The following PAX7 variants were observed in gnomAD, a reference collection of about 807,000 sequenced individuals.
PAX7 encodes the protein paired box protein Pax-7.
In PAX7, 18 loss-of-function variants were observed where a neutral mutation model predicts 50.7. The observed-to-expected ratio is 0.36, with a 90% CI of 0.25 to 0.53. The LOEUF (loss-of-function observed/expected upper bound fraction) is 0.53, where lower values mean the gene tolerates loss of function less well. Ranked by LOEUF, PAX7 falls within the 20% of genes least tolerant of loss-of-function variation. PAX7 has a pLI of 0.93. For synonymous variants in PAX7, 310 were observed against 290.4 expected (o/e 1.07, Z -0.69); for missense variants, 644 against 702.9 (o/e 0.92, Z 0.95).
rs754895481 is a variant in PAX7, at chr1:18,631,682, T to C, written c.79T>C (p.Leu27=). The C allele has an allele frequency of 1.9e-6, 3 of 1,612,122 alleles. No homozygotes were observed. Among genetic ancestry groups the C allele is most frequent in the South Asian group, 1.1e-5 (1 of 90,486 alleles). The change falls in exon 1 of 9, where the codon TTG becomes CTG. Residue 27 remains leucine, a synonymous_variant. Coordinates refer to ENST00000420770, the MANE Select transcript of PAX7 (RefSeq NM_001135254.2). ...GAACTACCCCCGCACGGGATTCCCTTTGGAAGGTAAGAACGCCCAGGCTGG... is the reference window on the plus strand; with the variant it reads ...GAACTACCCCCGCACGGGATTCCCTCTGGAAGGTAAGAACGCCCAGGCTGG... ...GQNYPRTGFP[L]EVSTPLGQGR... is the part of the protein sequence containing the mutation.
chr1:18,728,915 G>C (rs879323810), intron 7 of PAX7, among the ~76,000 whole-genome samples: 3 of 151,778 alleles, frequency 2.0e-5, no homozygotes, highest in Non-Finnish European at 2.9e-5. Context: ...AGTGATTCCA[G>C]TGGACAGTCA....
At chr1:18,652,832 A>G (rs1290748737) in intron 4 of PAX7, among the ~76,000 whole-genome samples, 1 of 152,062 alleles carries the variant, frequency 6.6e-6, no homozygotes, top group African/African-American at 2.4e-5. Context: ...CCCCTTGCCC[A>G]CCTCTTGCTA....
chr1:18,662,377 C>T (rs1570138599), intron 4 of PAX7, among the ~76,000 whole-genome samples: 1 of 152,200 alleles, frequency 6.6e-6, no homozygotes, highest in African/African-American at 2.4e-5. Flanking sequence ...GACCTTTCTG[C>T]AGTCCTGGAA....
chr1:18,664,947 G>T (rs2088647537), intron 4 of PAX7, among the ~76,000 whole-genome samples: 1 of 152,254 alleles, frequency 6.6e-6, no homozygotes, highest in South Asian at 2.1e-4. Context: ...TCTAAACCTG[G>T]CAGTGTAGTG....
intron 7 of PAX7, among the ~76,000 whole-genome samples, chr1:18,734,544 C>T (rs745905829): frequency 6.6e-6 from 1 of 152,186 alleles, no homozygotes; most frequent in Non-Finnish European, 1.5e-5. Context: ...AGTCCCACCC[C>T]AGGAAAGCAC....
chr1:18,715,766 T>A (rs1207296176), intron 7 of PAX7, among the ~76,000 whole-genome samples: 1 of 152,154 alleles, frequency 6.6e-6, no homozygotes, highest in Non-Finnish European at 1.5e-5. Context: ...ATGCAAAGCA[T>A]GAAGAAGAAC....
At position 18,735,053 on chromosome 1, in the gene PAX7, G is replaced by C. The variant is rs2100404239; in HGVS notation, c.1156-579G>C. ...GGTAGAATCAAAGGAAGGGGCCTGAGAGGCTCTTTGAAAGCATTGGCTGTG... is the reference window on the plus strand; with the variant it reads ...GGTAGAATCAAAGGAAGGGGCCTGACAGGCTCTTTGAAAGCATTGGCTGTG... On this transcript the variant is annotated intron_variant, in intron 7 of 8. Coordinates refer to ENST00000420770, the MANE Select transcript of PAX7 (RefSeq NM_001135254.2). This position sits in a 1 kb window ranked among gnomAD's most constrained non-coding sequence, Gnocchi z 4.0. 6.6e-6 allele frequency among the ~76,000 whole-genome samples: 1 copy of C among 152,352 alleles called. No individual in the cohort carries two copies. Among genetic ancestry groups the C allele is most frequent in the African/African-American group, 2.4e-5 (1 of 41,584 alleles).
intron 8 of PAX7, among the ~76,000 whole-genome samples, chr1:18,744,448 ATG>A (rs1931312901): frequency 6.7e-6 from 1 of 149,934 alleles, no homozygotes; most frequent in African/African-American, 2.5e-5. Context: ...GGATGGATGG[ATG>A]GATGGATGGA....
chr1:18,711,890 C>T (rs970282293), intron 7 of PAX7, among the ~76,000 whole-genome samples: 1 of 152,144 alleles, frequency 6.6e-6, no homozygotes, highest in African/African-American at 2.4e-5. Context: ...GTCTGCCCTC[C>T]CCAACTGGCC....
chr1:18,731,887 G>A (rs2089651590), intron 7 of PAX7, among the ~76,000 whole-genome samples: 1 of 152,188 alleles, frequency 6.6e-6, no homozygotes, highest in African/African-American at 2.4e-5. Flanking sequence ...GGCCTCTTGA[G>A]CCACCGGGCA....
intron 4 of PAX7, among the ~76,000 whole-genome samples, chr1:18,644,468 G>GA (rs1398647431): frequency 1.3e-5 from 2 of 151,986 alleles, no homozygotes; most frequent in Non-Finnish European, 2.9e-5. Flanking sequence ...GGCTAAAACC[G>GA]AAAAAATAAT....
At chr1:18,686,706 G>A (rs11576191) in intron 4 of PAX7, among the ~76,000 whole-genome samples, 70 of 152,164 alleles carry the variant, frequency 4.6e-4, no homozygotes, top group African/African-American at 1.6e-3. Context: ...GGAAGCTGAA[G>A]TGAGGTTGAT....
intron 4 of PAX7, among the ~76,000 whole-genome samples, chr1:18,641,959 C>T (rs913105527): frequency 1.3e-5 from 2 of 151,478 alleles, no homozygotes; most frequent in African/African-American, 4.9e-5. Context: ...AACCTCCCCC[C>T]CCCCAACTCC....
intron 4 of PAX7, among the ~76,000 whole-genome samples, chr1:18,686,673 C>A (rs1051874791): frequency 6.6e-6 from 1 of 152,016 alleles, no homozygotes; most frequent in African/African-American, 2.4e-5. Context: ...GAGAGAAGGG[C>A]ACCCCAAGAG....
In PAX7 at chr1:18,665,128, C is replaced by T. The variant is rs149672564; in HGVS notation, c.587-26626C>T. Among the ~76,000 whole-genome samples the T allele has an allele frequency of 1.6e-3, 237 of 152,250 alleles. 1 individual carries two copies. Among genetic ancestry groups the T allele is most frequent in the South Asian group, 0.01 (49 of 4,810 alleles). The stretch of plus-strand genomic sequence containing the variant: ...GTGATGTGTGCACACAGCTTAGCAG[C>T]GAGCCTGGGCACAGTAAGTGCTCAG... On this transcript the variant is annotated intron_variant, in intron 4 of 8. Transcript: ENST00000420770.
chr1:18,657,915 T>C (rs925121432), intron 4 of PAX7, among the ~76,000 whole-genome samples: 1 of 152,160 alleles, frequency 6.6e-6, no homozygotes, highest in Non-Finnish European at 1.5e-5. Flanking sequence ...AAGGGAAGGT[T>C]AGACAAAGGC....
At chr1:18,740,780 T>C (rs749150622) in intron 8 of PAX7, among the ~76,000 whole-genome samples, 11 of 152,150 alleles carry the variant, frequency 7.2e-5, no homozygotes, top group Non-Finnish European at 1.5e-4. Context: ...ATAAAGAACA[T>C]ATAGTGTATC....
chr1:18,689,271 A>G (rs1382244175), intron 4 of PAX7, among the ~76,000 whole-genome samples: 1 of 152,186 alleles, frequency 6.6e-6, no homozygotes, highest in Admixed American at 6.5e-5. Context: ...TATGCACTGC[A>G]TTTCAGGAAT....
At chr1:18,641,453 A>G (rs2088252449) in intron 4 of PAX7, among the ~76,000 whole-genome samples, 1 of 151,982 alleles carries the variant, frequency 6.6e-6, no homozygotes, top group South Asian at 2.1e-4. Context: ...CGGTTCCCGG[A>G]TTGAGTGAGG....
Sources: allele counts gnomAD v4.1 joint callset (sites outside exome capture counted in the v4.1 genomes callset), GRCh38; gene constraint gnomAD v4.1.1; non-coding constraint Gnocchi (gnomAD v3.1); transcripts MANE v1.5; gene names NCBI Gene and HGNC (gene_info 2026-07-23, HGNC 2026-07-21).